The following CSMD1 variants were observed in gnomAD, a reference collection of about 807,000 sequenced individuals.
The protein encoded by CSMD1 is CUB and sushi domain-containing protein 1.
A neutral mutation model predicts 417.5 loss-of-function variants in CSMD1; 213 were observed. That is an observed-to-expected ratio of 0.51 (90% CI 0.46 to 0.57). The LOEUF (loss-of-function observed/expected upper bound fraction) is 0.57. CSMD1 is among the 20% of genes least tolerant of loss of function. The pLI is 0.00. For synonymous variants in CSMD1, 2,862 were observed against 1,736.8 expected (o/e 1.65, Z -16.11); for missense variants, 6,923 against 4,529.7 (o/e 1.53, Z -15.17).
At chr8:4,065,141 A>G (rs555240129) in intron 3 of CSMD1, among the ~76,000 whole-genome samples, 2 of 152,236 alleles carry the variant, frequency 1.3e-5, no homozygotes, top group Non-Finnish European at 2.9e-5. Flanking sequence ...GTTTTTTAAA[A>G]ATTACATTTT....
intron 1 of CSMD1, among the ~76,000 whole-genome samples, chr8:4,720,455 T>C (rs1032896576): frequency 6.6e-6 from 1 of 152,180 alleles, no homozygotes; most frequent in East Asian, 1.9e-4. Flanking sequence ...TCTTGCTCTG[T>C]CACTCATGCT....
intron 1 of CSMD1, among the ~76,000 whole-genome samples, chr8:4,874,388 AT>A (rs3038302): frequency 0.02 from 2,656 of 133,470 alleles, 90 homozygotes; most frequent in African/African-American, 0.072. Flanking sequence ...ATCCGATTGT[AT>A]TTTTTTTTTT....
intron 30 of CSMD1, among the ~76,000 whole-genome samples, chr8:3,214,193 A>G (rs1273393893): frequency 6.6e-6 from 1 of 152,146 alleles, no homozygotes; most frequent in Non-Finnish European, 1.5e-5. Context: ...AAGTAACTAG[A>G]GAAGGCTAAT....
intron 5 of CSMD1, among the ~76,000 whole-genome samples, chr8:3,993,000 G>A (rs568986021): frequency 6.6e-6 from 1 of 152,204 alleles, no homozygotes; most frequent in African/African-American, 2.4e-5. Flanking sequence ...GGGCCAAGGA[G>A]GCAAAACCAA....
intron 2 of CSMD1, among the ~76,000 whole-genome samples, chr8:4,458,237 C>T (rs1437088788): frequency 1.3e-5 from 2 of 152,068 alleles, no homozygotes; most frequent in Non-Finnish European, 2.9e-5. Context: ...TGATCGGTCA[C>T]ACTTAAATGG....
chr8:3,489,911 G>A (rs1223114679), intron 11 of CSMD1, among the ~76,000 whole-genome samples: 2 of 152,130 alleles, frequency 1.3e-5, no homozygotes, highest in Non-Finnish European at 2.9e-5. Context: ...TTAAACTGCT[G>A]CTTTATGTAA....
At chr8:3,448,099 A>G (rs1319674490) in intron 12 of CSMD1, among the ~76,000 whole-genome samples, 1 of 151,478 alleles carries the variant, frequency 6.6e-6, no homozygotes, top group Admixed American at 6.6e-5. Flanking sequence ...AATAAGATAG[A>G]AGGGTAAGAG....
At chr8:3,660,441 G>C (rs964855247) in intron 7 of CSMD1, among the ~76,000 whole-genome samples, 2 of 136,940 alleles carry the variant, frequency 1.5e-5, no homozygotes, top group African/African-American at 2.7e-5. Context: ...AAACACAGGA[G>C]TAAGAATTTA....
intron 5 of CSMD1, among the ~76,000 whole-genome samples, chr8:3,960,694 T>G (rs1187373451): frequency 6.6e-6 from 1 of 151,936 alleles, no homozygotes; most frequent in African/African-American, 2.4e-5. Context: ...AAAGATAAAT[T>G]TAATAAGATA....
At chr8:4,209,932 G>A (rs1048441846) in intron 3 of CSMD1, among the ~76,000 whole-genome samples, 1 of 152,186 alleles carries the variant, frequency 6.6e-6, no homozygotes, top group South Asian at 2.1e-4. Context: ...CCACGTCTGG[G>A]TGTTGCTATG....
chr8:3,968,145 C>T (rs960092755), intron 5 of CSMD1, among the ~76,000 whole-genome samples: 1 of 151,532 alleles, frequency 6.6e-6, no homozygotes, highest in Non-Finnish European at 1.5e-5. Context: ...CGAGATCGAC[C>T]CACTGCACTC....
Position 3,382,217 on chromosome 8 carries a change from T to A in CSMD1, c.2782+5277A>T, listed in dbSNP as rs1204607219. Among the ~76,000 whole-genome samples, 7 of 151,844 alleles carry A rather than the reference T, an allele frequency of 4.6e-5. No individual in the cohort carries two copies. In the East Asian group the frequency reaches 1.4e-3, roughly 29 times the overall value. On this transcript the variant is annotated intron_variant, in intron 18 of 69. Transcript: ENST00000635120. ...GAGGTTTTAGTGAGCCGAGATCCTG[T>A]CACTGTGCTCCAGCAGGAAAGGGAA...
intron 40 of CSMD1, among the ~76,000 whole-genome samples, chr8:3,146,296 G>C (rs771616783): frequency 3.3e-5 from 5 of 151,916 alleles, no homozygotes; most frequent in Non-Finnish European, 5.9e-5. Context: ...GTTGAGCTCT[G>C]CCAGAGCATC....
At chr8:4,259,833 A>G (rs1803745047) in intron 3 of CSMD1, among the ~76,000 whole-genome samples, 1 of 152,194 alleles carries the variant, frequency 6.6e-6, no homozygotes, top group Non-Finnish European at 1.5e-5. Flanking sequence ...TACTCATAAT[A>G]TTGTTTTGGA....
At chr8:2,957,899 T>G (rs1174471855) in intron 62 of CSMD1, 92 bp from the exon 63 acceptor site, 18 of 827,752 alleles carry the variant, frequency 2.2e-5, no homozygotes, top group Non-Finnish European at 3.4e-5. Context: ...CGAGTAAAAG[T>G]ACAGCAGCAA....
At chr8:3,758,539 G>C (rs1406415585) in intron 5 of CSMD1, among the ~76,000 whole-genome samples, 2 of 152,152 alleles carry the variant, frequency 1.3e-5, no homozygotes, top group Non-Finnish European at 2.9e-5. Context: ...GCTCTCATCT[G>C]ACACAAAGTT....
chr8:4,456,863 G>A (rs1429844484), intron 2 of CSMD1, among the ~76,000 whole-genome samples: 2 of 151,864 alleles, frequency 1.3e-5, no homozygotes, highest in Admixed American at 6.6e-5. Flanking sequence ...CCTGGCCCTG[G>A]GCACTGGCTT....
At chr8:4,778,437 G>A (rs1796983367) in intron 1 of CSMD1, among the ~76,000 whole-genome samples, 1 of 152,038 alleles carries the variant, frequency 6.6e-6, no homozygotes. Flanking sequence ...TGAAGTACCT[G>A]GACTTTTTCC....
rs114552253 is a variant in CSMD1, at chr8:4,172,317, C to G, written c.416-140218G>C. Among the ~76,000 whole-genome samples the G allele has an allele frequency of 7.3e-3, 1,104 of 152,080 alleles. 14 individuals are homozygous for G. Among genetic ancestry groups the G allele is most frequent in the African/African-American group, 0.025 (1,033 of 41,456 alleles). On this transcript the variant is annotated intron_variant, in intron 3 of 69. Coordinates refer to ENST00000635120, the MANE Select transcript of CSMD1 (RefSeq NM_033225.6). ...GTAACCACTGAGCAGGTGTGGCTAC[C>G]GAGATATGACTAGTGTCATTGAGAA...
Sources: allele counts gnomAD v4.1 joint callset (sites outside exome capture counted in the v4.1 genomes callset), GRCh38; gene constraint gnomAD v4.1.1; transcripts MANE v1.5; gene names NCBI Gene and HGNC (gene_info 2026-07-23, HGNC 2026-07-21).